The following AHRR variants were observed in gnomAD, a reference collection of about 807,000 sequenced individuals.
The protein encoded by AHRR is aryl hydrocarbon receptor repressor.
Under a neutral mutation model 44.0 loss-of-function variants are expected in AHRR, and 28 were observed. The observed-to-expected ratio is 0.64, with a 90% confidence interval of 0.47 to 0.87. The LOEUF (loss-of-function observed/expected upper bound fraction) is 0.87. AHRR is among the 40% of genes least tolerant of loss of function. AHRR has a pLI of 0.00. For missense variants in AHRR, 990 were observed against 953.9 expected, an observed-to-expected ratio of 1.04 and a Z score of -0.50; for synonymous variants, 434 against 407.0, an observed-to-expected ratio of 1.07 and a Z score of -0.80.
chr5:389,985 G>A (rs1173243493), intron 4 of AHRR, among the ~76,000 whole-genome samples: 1 of 151,130 alleles, frequency 6.6e-6, no homozygotes, highest in East Asian at 2.0e-4. Context: ...GGAAAGGACA[G>A]TGATGCGCAG....
At chr5:354,056 C>G (rs909283499) in intron 3 of AHRR, 145 bp downstream of exon 3, 3 of 911,988 alleles carry the variant, frequency 3.3e-6, no homozygotes, top group Admixed American at 2.9e-5. Context: ...CCCCCAGAAC[C>G]TGGAGACTTG....
At chr5:347,367 G>C (rs764957471) in intron 2 of AHRR, among the ~76,000 whole-genome samples, 5 of 152,170 alleles carry the variant, frequency 3.3e-5, no homozygotes, top group Non-Finnish European at 7.4e-5. Flanking sequence ...ATTTGTATGA[G>C]TTGAATTTGT....
Position 434,125 on chromosome 5 carries a change from G to A in AHRR, c.1385G>A (p.Ser462Asn). The A allele has an allele frequency of 2.5e-6, 4 of 1,612,630 alleles. No individual in the cohort carries two copies. The highest frequency in any genetic ancestry group is 3.4e-6 in the Non-Finnish European group (4 of 1,179,738). The change falls in exon 11 of 11, where the codon AGC becomes AAC. Residue 462 changes from serine (S) to asparagine (N), a missense_variant. Physicochemically the swap from Ser to Asn is conservative, Grantham distance 46 (BLOSUM62 1). Transcript: ENST00000684583. ...AGCCCGTCCCCCAGTGCCTACTCCA[G>A]CCGGACCAGCAGACCCATGCGGGAT... ...PPSPSPSAYS[S>N]RTSRPMRDVG... is the part of the protein sequence containing the mutation.
chr5:374,360 A>G (rs1296958397), intron 3 of AHRR, among the ~76,000 whole-genome samples: 1 of 152,108 alleles, frequency 6.6e-6, no homozygotes, highest in Non-Finnish European at 1.5e-5. Context: ...AAAGATCTTG[A>G]TTTTCACTGT....
chr5:406,946 T>G lies in AHRR; in HGVS notation c.352-6398T>G, dbSNP rs747479714. 2.0e-5 allele frequency among the ~76,000 whole-genome samples: 3 copies of G among 152,240 alleles called. No individual in the cohort carries two copies. The highest frequency in any genetic ancestry group is 2.9e-5 in the Non-Finnish European group (2 of 68,044). On this transcript the variant is annotated intron_variant, in intron 4 of 10. Coordinates refer to ENST00000684583, the MANE Select transcript of AHRR (RefSeq NM_001377236.1). The surrounding 1 kb of genome is among the most constrained non-coding windows in gnomAD (Gnocchi z 4.7). ...GGCACCAGTTATTGAAAAGCCTATC[T>G]CTGTCCCAGTGATTTGAGGTGACAC...
intron 4 of AHRR, among the ~76,000 whole-genome samples, chr5:396,219 C>G (rs6875918): frequency 3.8e-4 from 58 of 152,282 alleles, no homozygotes; most frequent in African/African-American, 1.4e-3. Flanking sequence ...CCCTCCTGCC[C>G]TCCTTCTGGG....
rs183963087 is a variant in AHRR, at chr5:432,829, G to T, written c.994G>T (p.Val332Phe). ...AGGAAGGAGCAGCAGAGAGAGCGGC[G>T]TTTTGGTGCTCAGGGAACAGACTGA... ...SAGRSSRESG[V>F]LVLREQTDAG... The change falls in exon 10 of 11, where the codon GTT becomes TTT. Residue 332 changes from valine to phenylalanine, a missense_variant. By Grantham distance (50) the Val-to-Phe change is conservative (BLOSUM62 -1). Coordinates refer to ENST00000684583, the MANE Select transcript of AHRR (RefSeq NM_001377236.1). 1 of 1,613,876 alleles carries T rather than the reference G, an allele frequency of 6.2e-7. No individual in the cohort carries two copies. The highest frequency in any genetic ancestry group is 1.7e-5 in the Admixed American group (1 of 60,024).
Position 414,280 on chromosome 5 carries a change from A to T in AHRR, c.441+847A>T, listed in dbSNP as rs1298328643. Among the ~76,000 whole-genome samples the T allele has an allele frequency of 2.6e-5, 4 of 151,302 alleles. No individual in the cohort carries two copies. In the East Asian group the frequency reaches 7.7e-4, roughly 29 times the overall value. ...TCCATCTCAAAAATAAAAATAAAAA[A>T]TAAAAAAATCCCACTCAAGGCCAGG... On this transcript the variant is annotated intron_variant, in intron 5 of 10. Transcript: ENST00000684583.
chr5:345,718 G>A (rs1355259911), intron 2 of AHRR, among the ~76,000 whole-genome samples: 1 of 151,990 alleles, frequency 6.6e-6, no homozygotes, highest in Admixed American at 6.5e-5. Flanking sequence ...ATGAGGTAAG[G>A]CCCCTTGGCG....
At chr5:413,463 T>G (rs749338575) in intron 5 of AHRR, 30 bp downstream of exon 5, 5 of 1,473,710 alleles carry the variant, frequency 3.4e-6, no homozygotes, top group Non-Finnish European at 3.8e-6. Context: ...CCCTCCAGTC[T>G]GTTAAGTGCT....
chr5:432,679 T>A (rs1736786784), intron 9 of AHRR, 127 bp from the exon 10 acceptor site: 1 of 1,539,946 alleles, frequency 6.5e-7, no homozygotes, highest in African/African-American at 1.4e-5. Context: ...CAAGTGCCGT[T>A]CCTGGGCTCT....
At chr5:332,867 A>T (rs1560878387) in intron 1 of AHRR, among the ~76,000 whole-genome samples, 1 of 150,214 alleles carries the variant, frequency 6.7e-6, no homozygotes, top group East Asian at 2.0e-4. Context: ...ATATGTATGT[A>T]GAATTGTTTT....
chr5:372,295 G>A (rs1053912903), intron 3 of AHRR, among the ~76,000 whole-genome samples: 2 of 152,092 alleles, frequency 1.3e-5, no homozygotes, highest in Non-Finnish European at 2.9e-5. Context: ...CCTCATGGAG[G>A]CATGTCCTCC....
At chr5:424,595 A>G (rs1384463609) in intron 7 of AHRR, among the ~76,000 whole-genome samples, 2 of 151,760 alleles carry the variant, frequency 1.3e-5, no homozygotes, top group Non-Finnish European at 2.9e-5. Context: ...TGAGAATGTA[A>G]AACTCTGCAG....
At chr5:424,505 G>A (rs138118198) in intron 7 of AHRR, among the ~76,000 whole-genome samples, 2,781 of 148,976 alleles carry the variant, frequency 0.019, 80 homozygotes, top group Middle Eastern at 0.064. Context: ...TGCACCCGGC[G>A]ATGGTGTGGG....
At chr5:420,797 G>A (rs931836738) in intron 5 of AHRR, 4 of 79,602 alleles carry the variant, frequency 5.0e-5, no homozygotes, top group South Asian at 9.9e-5. Flanking sequence ...CTGCACGCAC[G>A]CAGCCACGCA....
At chr5:373,711 G>T (rs967575071) in intron 3 of AHRR, among the ~76,000 whole-genome samples, 1 of 151,486 alleles carries the variant, frequency 6.6e-6, no homozygotes, top group Non-Finnish European at 1.5e-5. Context: ...AGGGAGGGCG[G>T]GGGGACCTGG....
intron 5 of AHRR, among the ~76,000 whole-genome samples, chr5:420,640 T>G (rs560475734): frequency 6.6e-6 from 1 of 152,218 alleles, no homozygotes; most frequent in South Asian, 2.1e-4. Context: ...CTTCCCCATG[T>G]GGAGAGGATG....
intron 7 of AHRR, 175 bp from the exon 8 acceptor site, chr5:427,632 T>G: frequency 3.1e-6 from 5 of 1,613,074 alleles, no homozygotes; most frequent in Non-Finnish European, 4.2e-6. Context: ...CGAATCACTC[T>G]GCAGGCCCGG....
Sources: allele counts gnomAD v4.1 joint callset (sites outside exome capture counted in the v4.1 genomes callset), GRCh38; gene constraint gnomAD v4.1.1; non-coding constraint Gnocchi (gnomAD v3.1); transcripts MANE v1.5; gene names NCBI Gene and HGNC (gene_info 2026-07-23, HGNC 2026-07-21).